The following ASH1L variants were observed in gnomAD, a reference collection of about 807,000 sequenced individuals.
The protein encoded by ASH1L is ASH1 like histone lysine methyltransferase.
Under a neutral mutation model 269.0 loss-of-function variants are expected in ASH1L, and 23 were observed. The ratio of observed to expected loss-of-function variants is 0.09; its 90% CI spans 0.06 to 0.12. The LOEUF is 0.12. Among genes scored for constraint, ASH1L ranks in the 10% least tolerant of loss-of-function variants. The pLI is 1.00. For synonymous variants in ASH1L, 1,187 were observed against 1,253.5 expected, an observed-to-expected ratio of 0.95 and a Z score of 1.12; for missense variants, 2,912 against 3,567.8, an observed-to-expected ratio of 0.82 and a Z score of 4.68.
At chr1:155,562,969 T>A, upstream of ASH1L, 1 of 454,556 alleles carries the variant, frequency 2.2e-6, no homozygotes, top group Non-Finnish European at 4.4e-6. Flanking sequence ...GTTCCATTCC[T>A]GTCGGCTGCA....
chr1:155,544,534 G>A (rs1021296097), intron 1 of ASH1L, among the ~76,000 whole-genome samples: 12 of 150,098 alleles, frequency 8.0e-5, no homozygotes, highest in East Asian at 2.0e-4. Context: ...TGATCTGCCC[G>A]CCTCAGCCTC....
At chr1:155,402,837 A>C (rs1658963853) in intron 6 of ASH1L, among the ~76,000 whole-genome samples, 1 of 150,280 alleles carries the variant, frequency 6.7e-6, no homozygotes, top group Non-Finnish European at 1.5e-5. Context: ...TACAAGTATG[A>C]GCCACCACAC....
intron 1 of ASH1L, 98 bp downstream of exon 1, chr1:155,562,055 T>G: frequency 1.2e-6 from 1 of 837,772 alleles, no homozygotes; most frequent in Non-Finnish European, 1.9e-6. Flanking sequence ...CTCTCAGAGA[T>G]CCAGGTCCGG....
chr1:155,543,328 T>C (rs1670567656), intron 1 of ASH1L, among the ~76,000 whole-genome samples: 1 of 151,532 alleles, frequency 6.6e-6, no homozygotes, highest in East Asian at 2.0e-4. Context: ...CTGGCCAACA[T>C]GGTGAAACTC....
intron 5 of ASH1L, chr1:155,434,199 C>A (rs1661884176): frequency 1.3e-6 from 2 of 1,595,588 alleles, no homozygotes; most frequent in Non-Finnish European, 1.7e-6. Flanking sequence ...GTCCCTTTCC[C>A]TGAGGGGGAA....
intron 1 of ASH1L, among the ~76,000 whole-genome samples, chr1:155,560,388 A>AGG (rs1158177633): frequency 3.3e-5 from 5 of 152,182 alleles, no homozygotes; most frequent in Admixed American, 2.6e-4. Flanking sequence ...TAGTTTATGC[A>AGG]TTCTTTCTTC....
rs1037927618 is a variant in ASH1L, at chr1:155,335,539, G to A, written c.*2121C>T. The A allele has an allele frequency of 4.6e-5, 7 of 152,604 alleles. No individual in the cohort carries two copies. The highest frequency in any genetic ancestry group is 1.3e-4 in the Admixed American group (2 of 15,256). 9.5% of individuals were successfully genotyped at this position (152,604 alleles called of 1,614,324 possible). A position where few individuals can be genotyped will look rare whatever the true frequency, so the allele number is the denominator to read the frequency against. The stretch of plus-strand genomic sequence containing the variant: ...CCCCGCATTTCAAACACCAAAACCC[G>A]CCTGGCAGCTGGGGGGTTCTTTTTA... On this transcript the variant is annotated 3_prime_UTR_variant, in exon 28 of 28. Transcript: ENST00000392403.
At chr1:155,426,779 A>T (rs536637083) in intron 5 of ASH1L, among the ~76,000 whole-genome samples, 53 of 152,226 alleles carry the variant, frequency 3.5e-4, no homozygotes, top group East Asian at 2.5e-3. Context: ...AAACTAAAAA[A>T]TTTTTTTCTA....
intron 4 of ASH1L, among the ~76,000 whole-genome samples, chr1:155,457,736 C>A (rs1663967746): frequency 6.6e-6 from 1 of 152,156 alleles, no homozygotes; most frequent in Non-Finnish European, 1.5e-5. Context: ...CTCACAGCAA[C>A]CCTCAACAGA....
At chr1:155,381,720 C>T (rs1205571669) in intron 7 of ASH1L, among the ~76,000 whole-genome samples, 1 of 145,202 alleles carries the variant, frequency 6.9e-6, no homozygotes, top group Non-Finnish European at 1.5e-5. Context: ...ACTAAAAATA[C>T]AAAAATTAGC....
At chr1:155,443,840 T>A (rs1190035898) in intron 4 of ASH1L, among the ~76,000 whole-genome samples, 1 of 152,210 alleles carries the variant, frequency 6.6e-6, no homozygotes, top group East Asian at 1.9e-4. Context: ...TTTCTTTACA[T>A]ATTCACCTGG....
intron 3 of ASH1L, among the ~76,000 whole-genome samples, chr1:155,469,258 C>A (rs1664914727): frequency 6.6e-6 from 1 of 151,970 alleles, no homozygotes; most frequent in African/African-American, 2.4e-5. Flanking sequence ...TCTCAGCTCA[C>A]CACAACCTCC....
At chr1:155,373,019 C>T (rs1248649250) in intron 10 of ASH1L, among the ~76,000 whole-genome samples, 1 of 151,910 alleles carries the variant, frequency 6.6e-6, no homozygotes, top group Non-Finnish European at 1.5e-5. Flanking sequence ...TCAAGACCAG[C>T]CTGACCAAGG....
At chr1:155,344,475 A>C (rs1653063980) in intron 21 of ASH1L, 9 of 483,400 alleles carry the variant, frequency 1.9e-5, no homozygotes, top group East Asian at 6.7e-5. Context: ...TAAGTATCTC[A>C]ATCTATGTTT....
intron 10 of ASH1L, among the ~76,000 whole-genome samples, chr1:155,376,636 G>A (rs1656470685): frequency 6.6e-6 from 1 of 151,888 alleles, no homozygotes; most frequent in South Asian, 2.1e-4. Context: ...CTGAGATCGT[G>A]CCACCGCACT....
At chr1:155,391,556 A>G (rs1657927147) in intron 7 of ASH1L, among the ~76,000 whole-genome samples, 1 of 152,176 alleles carries the variant, frequency 6.6e-6, no homozygotes, top group South Asian at 2.1e-4. Context: ...TCTTAATATG[A>G]ATTATATTTT....
chr1:155,379,983 T>C (rs1656796478), intron 8 of ASH1L, 60 bp downstream of exon 8: 17 of 1,262,730 alleles, frequency 1.3e-5, no homozygotes, highest in Non-Finnish European at 2.0e-5. Flanking sequence ...AACACTTGCA[T>C]TTCCACCCCT....
At chr1:155,360,199 C>T in intron 13 of ASH1L, 102 bp downstream of exon 13, 1 of 808,028 alleles carries the variant, frequency 1.2e-6, no homozygotes, top group Non-Finnish European at 2.1e-6. Context: ...CTCCCACATA[C>T]TTCTTAATGG....
Position 155,478,379 on chromosome 1 carries a change from T to C in ASH1L, c.4491A>G (p.Gln1497=), listed in dbSNP as rs1472094259. The part of the protein sequence containing the change: ...HKHREHRSSE[Q]PQVSMDTGSS... The stretch of plus-strand genomic sequence containing the variant: ...AGCCAGTGTCCATAGAAACCTGGGG[T>C]TGTTCAGAAGAACGGTGTTCTCTGT... The change falls in exon 3 of 28, where the codon CAA becomes CAG. Residue 1497 remains glutamine (Q), a synonymous_variant. Transcript: ENST00000392403. This position sits in a 1 kb window ranked among gnomAD's most constrained non-coding sequence, Gnocchi z 4.6. 2 of 1,613,910 alleles carry C rather than the reference T, an allele frequency of 1.2e-6. No homozygotes were observed. The highest frequency in any genetic ancestry group is 3.3e-5 in the Admixed American group (2 of 59,986).
Sources: gnomAD v4.1 joint callset for allele counts (sites outside exome capture counted in the v4.1 genomes callset) on GRCh38, gnomAD v4.1.1 for gene constraint, Gnocchi (gnomAD v3.1) non-coding constraint, MANE v1.5 for transcripts, NCBI Gene and HGNC (gene_info 2026-07-23, HGNC 2026-07-21) for gene names.